Variants in SPEG observed in about 807,000 individuals in gnomAD.
SPEG encodes the protein striated muscle enriched protein kinase.
In SPEG, 114 loss-of-function variants were observed where a neutral mutation model predicts 300.4. The observed-to-expected ratio is 0.38, with a 90% CI of 0.33 to 0.44. The LOEUF (loss-of-function observed/expected upper bound fraction) is 0.44, where lower values mean the gene tolerates loss of function less well. SPEG is among the 20% of genes least tolerant of loss of function. SPEG has a pLI of 1.00. For missense variants in SPEG, 4,201 were observed against 4,586.2 expected (o/e 0.92, Z 2.43); for synonymous variants, 1,964 against 2,018.9 (o/e 0.97, Z 0.73).
Position 219,435,073 on chromosome 2 carries a change from C to A in SPEG, c.96C>A (p.Gly32=), listed in dbSNP as rs753831261. 1.4e-6 allele frequency: 2 copies of A among 1,469,810 alleles called. No individual in the cohort carries two copies. Among genetic ancestry groups the A allele is most frequent in the African/African-American group, 1.5e-5 (1 of 67,722 alleles). 91.0% of individuals were successfully genotyped at this position (1,469,810 alleles called of 1,614,324 possible). The change falls in exon 1 of 41, where the codon GGC becomes GGA. Residue 32 remains glycine (G), a synonymous_variant. Coordinates refer to ENST00000312358, the MANE Select transcript of SPEG (RefSeq NM_005876.5). Reference sequence around the variant, plus strand: ...CGAAAAGGGCCAAGGTGGGGGCCGGCGGCGGGGCTCCTGTGGCCGTGGCCG... The same window carrying A: ...CGAAAAGGGCCAAGGTGGGGGCCGGAGGCGGGGCTCCTGTGGCCGTGGCCG... The part of the protein sequence containing the change: ...VPPKRAKVGA[G]GGAPVAVAGA...
rs777086039 is a variant in SPEG at position 219,492,683 on chromosome 2, C to A, written c.9701C>A (p.Thr3234Asn). 1 of 1,610,048 alleles carries A rather than the reference C, an allele frequency of 6.2e-7. No homozygotes were observed. The highest frequency in any genetic ancestry group is 1.3e-5 in the African/African-American group (1 of 74,930). ...MKLRRQTLTF[T>N]TNRLKEFLGE... The stretch of plus-strand genomic sequence containing the variant: ...CTGCGCCGCCAGACGCTCACCTTCA[C>A]CACCAACCGGCTCAAGGAGTTCCTG... The change falls in exon 41 of 41, where the codon ACC (threonine) becomes AAC (asparagine). Residue 3234 changes from threonine to asparagine, a missense_variant. Transcript: ENST00000312358.
chr2:219,483,496 C>T lies in SPEG; in HGVS notation c.6033C>T (p.Arg2011=). 1 of 1,433,542 alleles carries T rather than the reference C, an allele frequency of 7.0e-7. No homozygotes were observed. The highest frequency in any genetic ancestry group is 9.1e-7 in the Non-Finnish European group (1 of 1,104,524). The allele number at this position is 1,433,542 out of a possible 1,614,324, so 88.8% of individuals were successfully genotyped here. Residue 2011 remains arginine (R), a synonymous_variant, in exon 30 of 41, where the codon CGC becomes CGT. Coordinates refer to ENST00000312358, the MANE Select transcript of SPEG (RefSeq NM_005876.5). ...CTAGCCCCAGGCGGGGAGAGCTCCG[C>T]AGGGGCAGCTCGGCTGAGAGCGCCC... is the stretch of plus-strand genomic sequence containing the variant. ...AGASPRRGEL[R]RGSSAESALP... is the part of the protein sequence containing the mutation.
chr2:219,471,677 G>A (rs1312168192), intron 13 of SPEG, 191 bp from the exon 14 acceptor site: 18 of 650,536 alleles, frequency 2.8e-5, no homozygotes, highest in East Asian at 1.7e-4. Context: ...AAGCCAGCCC[G>A]GGCCCAGACC....
chr2:219,443,891 C>A lies in SPEG; in HGVS notation c.389-762C>A. ...GGCACATCCCAGGTATCTCCCTCCCCACCCATTGCCACAGGACACCTCTGG... is the reference window on the plus strand; with the variant it reads ...GGCACATCCCAGGTATCTCCCTCCCAACCCATTGCCACAGGACACCTCTGG... On this transcript the variant is annotated intron_variant, in intron 1 of 40. Transcript: ENST00000312358. This position sits in a 1 kb window ranked among gnomAD's most constrained non-coding sequence, Gnocchi z 4.6. 1 of 599,830 alleles carries A rather than the reference C, an allele frequency of 1.7e-6. No individual in the cohort carries two copies. Among genetic ancestry groups the A allele is most frequent in the East Asian group, 6.8e-5 (1 of 14,764 alleles). 37.2% of individuals were successfully genotyped at this position (599,830 alleles called of 1,614,324 possible).
In SPEG at chr2:219,448,783, C is replaced by G. The variant is rs927960851; in HGVS notation, c.1625C>G (p.Pro542Arg). 46 of 1,421,326 alleles carry G rather than the reference C, an allele frequency of 3.2e-5. No homozygotes were observed. The highest frequency in any genetic ancestry group is 3.7e-5 in the Non-Finnish European group (41 of 1,095,446). The allele number at this position is 1,421,326 out of a possible 1,614,324, so 88.0% of individuals were successfully genotyped here. ...CCGCTCTTCTCTCGGCCCTCCACCC[C>G]CAAGACATCGCGGGCCGTGAGCCCC... ...EPPLFSRPST[P>R]KTSRAVSPAA... is the part of the protein sequence containing the mutation. Residue 542 changes from proline to arginine, a missense_variant, in exon 4 of 41, where the codon CCC becomes CGC. This residue lies in a region of SPEG where 1,258 missense variants were observed against 1,293.9 expected (regional missense o/e 0.97). Transcript: ENST00000312358.
intron 30 of SPEG, 107 bp from the exon 31 acceptor site, chr2:219,485,239 C>A: frequency 6.7e-7 from 1 of 1,501,774 alleles, no homozygotes; most frequent in South Asian, 1.3e-5. Context: ...GGCGGCAGGG[C>A]TGGGTGGGCT....
At position 219,448,004 on chromosome 2, in the gene SPEG, G is replaced by A. The variant is rs1689445315; in HGVS notation, c.846G>A (p.Glu282=). The change falls in exon 4 of 41, where the codon GAG becomes GAA. Residue 282 remains glutamate (E), a synonymous_variant. Coordinates refer to ENST00000312358, the MANE Select transcript of SPEG (RefSeq NM_005876.5). The stretch of plus-strand genomic sequence containing the variant: ...TCCCTCAGAGCGGGTTGCGCAGGGA[G>A]GAGCCCGACCTTCAGCCTCAACTGG... ...VSVPQSGLRR[E]EPDLQPQLAS... 7 of 1,612,474 alleles carry A rather than the reference G, an allele frequency of 4.3e-6. No individual in the cohort carries two copies. Among genetic ancestry groups the A allele is most frequent in the Non-Finnish European group, 5.1e-6 (6 of 1,179,924 alleles).
In SPEG at chr2:219,449,200, G is replaced by A; in HGVS notation, c.2042G>A (p.Gly681Glu). Residue 681 changes from glycine (G) to glutamate (E), a missense_variant, in exon 4 of 41, where the codon GGG becomes GAG. By Grantham distance (98) the Gly-to-Glu change is moderately conservative. Around this residue, in one of 4 missense-constraint regions of SPEG, gnomAD observed 1,258 missense variants for 1,293.9 expected, o/e 0.97. Coordinates refer to ENST00000312358, the MANE Select transcript of SPEG (RefSeq NM_005876.5). The part of the protein sequence containing the change: ...RRGPEEDGPW[G>E]PWDRRGARSQ... ...GGGCCGGAGGAGGACGGTCCCTGGGGGCCCTGGGACCGCCGAGGGGCCCGC... is the reference window on the plus strand; with the variant it reads ...GGGCCGGAGGAGGACGGTCCCTGGGAGCCCTGGGACCGCCGAGGGGCCCGC... 2 of 1,395,918 alleles carry A rather than the reference G, an allele frequency of 1.4e-6. No homozygotes were observed. The highest frequency in any genetic ancestry group is 1.9e-6 in the Non-Finnish European group (2 of 1,075,830). 86.5% of individuals were successfully genotyped at this position (1,395,918 alleles called of 1,614,324 possible). A position where few individuals can be genotyped will look rare whatever the true frequency, so the allele number is the denominator to read the frequency against.
In SPEG at chr2:219,479,148, A is replaced by C; in HGVS notation, c.5032A>C (p.Thr1678Pro). ...RGLVIVTELC[T>P]EELLERIARK... The stretch of plus-strand genomic sequence containing the variant: ...TCTCCTTGATCTGGGATGTAGCTGC[A>C]CAGAGGAGCTGCTGGAGCGAATCGC... Residue 1678 changes from threonine to proline, a missense_variant, in exon 23 of 41, where the codon ACA (threonine) becomes CCA (proline). Thr to Pro is a conservative substitution (Grantham distance 38). This residue lies in a region of SPEG where 1,047 missense variants were observed against 1,356.8 expected (regional missense o/e 0.77). Coordinates refer to ENST00000312358, the MANE Select transcript of SPEG (RefSeq NM_005876.5). The surrounding 1 kb of genome is among the most constrained non-coding windows in gnomAD (Gnocchi z 5.5). 1 of 1,613,594 alleles carries C rather than the reference A, an allele frequency of 6.2e-7. No homozygotes were observed. Among genetic ancestry groups the C allele is most frequent in the Non-Finnish European group, 8.5e-7 (1 of 1,179,944 alleles).
intron 13 of SPEG, among the ~76,000 whole-genome samples, chr2:219,470,167 A>G (rs1346990584): frequency 6.6e-6 from 1 of 152,222 alleles, no homozygotes; most frequent in Non-Finnish European, 1.5e-5. Context: ...AGCTAAAGGT[A>G]TGACAAGGAC....
At chr2:219,441,444 C>A (rs535482811) in intron 1 of SPEG, 1 of 462,712 alleles carries the variant, frequency 2.2e-6, no homozygotes, top group South Asian at 1.6e-5. Flanking sequence ...CCCGCCAGGA[C>A]CCTTGCCCTG....
In SPEG at chr2:219,445,540, CA is replaced by C. The variant is rs1190298169; in HGVS notation, c.815+380del. 7 of 325,198 alleles carry C rather than the reference CA, an allele frequency of 2.2e-5. No individual in the cohort carries two copies. The highest frequency in any genetic ancestry group is 9.8e-4 in the Middle Eastern group (1 of 1,020). The allele number at this position is 325,198 out of a possible 1,614,324, so 20.1% of individuals were successfully genotyped here. On this transcript the variant is annotated intron_variant, in intron 3 of 40. Coordinates refer to ENST00000312358, the MANE Select transcript of SPEG (RefSeq NM_005876.5). This position sits in a 1 kb window ranked among gnomAD's most constrained non-coding sequence, Gnocchi z 6.1. ...GCCCCCTTGGTGCCTGCTGTCTCAGCAGCTGCTGCCTTTTCATCTCTCTGCA... is the reference window on the plus strand; with the variant it reads ...GCCCCCTTGGTGCCTGCTGTCTCAGCGCTGCTGCCTTTTCATCTCTCTGCA...
Position 219,487,053 on chromosome 2 carries a change from G to T in SPEG, c.7742-1141G>T, listed in dbSNP as rs138691622. The stretch of plus-strand genomic sequence containing the variant: ...ACAGGCAGCAGCTGGGGCTCACAAG[G>T]CTCCTCAGCTTTCTCTTCCCAGGTG... On this transcript the variant is annotated intron_variant, in intron 31 of 40. Transcript: ENST00000312358. Among the ~76,000 whole-genome samples the T allele has an allele frequency of 3.0e-3, 451 of 152,166 alleles. 2 individuals are homozygous for T. The highest frequency in any genetic ancestry group is 0.01 in the African/African-American group (418 of 41,494).
At position 219,483,527 on chromosome 2, in the gene SPEG, C is replaced by G. The variant is rs1010604395; in HGVS notation, c.6064C>G (p.Arg2022Gly). The G allele has an allele frequency of 1.1e-5, 16 of 1,405,630 alleles. No homozygotes were observed. Among genetic ancestry groups the G allele is most frequent in the Non-Finnish European group, 1.4e-5 (15 of 1,092,240 alleles). The allele number at this position is 1,405,630 out of a possible 1,614,324, so 87.1% of individuals were successfully genotyped here. A position where few individuals can be genotyped will look rare whatever the true frequency, so the allele number is the denominator to read the frequency against. ...CAGCTCGGCTGAGAGCGCCCTGCCC[C>G]GGGCCGGGCCGCGGGAGCTGGGCCG... ...RGSSAESALP[R>G]AGPRELGRGL... Residue 2022 changes from arginine to glycine, a missense_variant, in exon 30 of 41, where the codon CGG (arginine) becomes GGG (glycine). Physicochemically the swap from Arg to Gly is moderately radical, Grantham distance 125. Transcript: ENST00000312358.
At chr2:219,482,919 C>A in intron 29 of SPEG, 67 bp downstream of exon 29, 1 of 1,518,114 alleles carries the variant, frequency 6.6e-7, no homozygotes. Flanking sequence ...CCTTCCCCCT[C>A]CCGTGGGCCT....
rs2125234052 is a variant in SPEG at position 219,443,210 on chromosome 2, T to C, written c.389-1443T>C. On this transcript the variant is annotated intron_variant, in intron 1 of 40. Transcript: ENST00000312358. The surrounding 1 kb of genome is among the most constrained non-coding windows in gnomAD (Gnocchi z 4.6). ...TGCCTACTCCTCCTCTTGGTCCCTG[T>C]CCCTCTGTGAGGCATCGAGTTCCTG... The C allele has an allele frequency of 6.5e-7, 1 of 1,536,476 alleles. No individual in the cohort carries two copies. Among genetic ancestry groups the C allele is most frequent in the East Asian group, 2.2e-5 (1 of 44,528 alleles).
At chr2:219,457,131 C>T (rs1472133346) in intron 6 of SPEG, among the ~76,000 whole-genome samples, 1 of 152,130 alleles carries the variant, frequency 6.6e-6, no homozygotes, top group Non-Finnish European at 1.5e-5. Flanking sequence ...CCTGACTTTT[C>T]CGCAGTGGGG....
chr2:219,446,122 G>A (rs1307724237), intron 3 of SPEG, among the ~76,000 whole-genome samples: 1 of 152,004 alleles, frequency 6.6e-6, no homozygotes, highest in East Asian at 1.9e-4. Flanking sequence ...CTTTGAGGGT[G>A]GTTAGAGCAG....
intron 36 of SPEG, among the ~76,000 whole-genome samples, chr2:219,490,140 C>A (rs183047597): frequency 6.6e-6 from 1 of 152,376 alleles, no homozygotes; most frequent in East Asian, 1.9e-4. Context: ...ATCTTCACAA[C>A]TCTGAGAGAC....
Sources: gnomAD v4.1 joint callset for allele counts (sites outside exome capture counted in the v4.1 genomes callset) on GRCh38, gnomAD v4.1.1 for gene constraint, gnomAD v4.1.1 regional missense constraint, Gnocchi (gnomAD v3.1) non-coding constraint, MANE v1.5 for transcripts, NCBI Gene and HGNC (gene_info 2026-07-23, HGNC 2026-07-21) for gene names.